PRKN: variants seen among roughly 807,000 people sequenced by gnomAD.
PRKN encodes the protein parkin RBR E3 ubiquitin protein ligase, also known as E3 ubiquitin-protein ligase parkin.
Under a neutral mutation model 59.5 loss-of-function variants are expected in PRKN, and 56 were observed. That is an observed-to-expected ratio of 0.94 (90% CI 0.76 to 1.18). PRKN has a LOEUF of 1.18. PRKN is among the 50% of genes most tolerant of loss of function. The probability of loss-of-function intolerance (pLI) is 0.00; values close to 1 mark genes in which losing one functional copy is unlikely to be tolerated. For missense variants in PRKN, 657 were observed against 596.4 expected (o/e 1.10, Z -1.06); for synonymous variants, 250 against 222.1 (o/e 1.13, Z -1.12).
At chr6:162,643,931 C>T (rs2128225110) in intron 1 of PRKN, 1 of 152,236 alleles carries the variant, frequency 6.6e-6, no homozygotes, top group South Asian at 2.1e-4. Flanking sequence ...ACACTGTCTG[C>T]AGCAGATTAT....
intron 1 of PRKN, among the ~76,000 whole-genome samples, chr6:162,630,205 A>G (rs543240146): frequency 6.6e-5 from 10 of 152,188 alleles, no homozygotes; most frequent in Non-Finnish European, 1.3e-4. Flanking sequence ...AAGATTACTG[A>G]GTATATAAAA....
In PRKN at chr6:161,410,235, G is replaced by A. The variant is rs1471911787; in HGVS notation, c.1084-23358C>T. Among the ~76,000 whole-genome samples, 1 of 152,142 alleles carries A rather than the reference G, an allele frequency of 6.6e-6. No individual in the cohort carries two copies. Among genetic ancestry groups the A allele is most frequent in the Admixed American group, 6.5e-5 (1 of 15,282 alleles). The stretch of plus-strand genomic sequence containing the variant: ...AGAGTGAACATGAGTGAGAGTACGA[G>A]CATGTCTCAGCTGGTAGCCCTTGTC... On this transcript the variant is annotated intron_variant, in intron 9 of 11. Transcript: ENST00000366898. The surrounding 1 kb of genome is among the most constrained non-coding windows in gnomAD (Gnocchi z 5.3).
At chr6:162,040,760 T>G (rs369100919) in intron 5 of PRKN, among the ~76,000 whole-genome samples, 3 of 151,784 alleles carry the variant, frequency 2.0e-5, no homozygotes, top group African/African-American at 7.3e-5. Context: ...TGCAGACATA[T>G]TTTTAAAGAA....
At chr6:162,698,089 G>A (rs1456594720) in intron 1 of PRKN, among the ~76,000 whole-genome samples, 1 of 152,204 alleles carries the variant, frequency 6.6e-6, no homozygotes. Context: ...CTATGCTAAT[G>A]TACAAAGGAT....
chr6:162,470,755 TTTTA>T (rs1396644321), intron 1 of PRKN, among the ~76,000 whole-genome samples: 2 of 152,116 alleles, frequency 1.3e-5, no homozygotes, highest in African/African-American at 4.8e-5. Context: ...TATTTTTAAA[TTTTA>T]TTTATTTGTT....
intron 7 of PRKN, among the ~76,000 whole-genome samples, chr6:161,694,862 G>A (rs1785951151): frequency 6.6e-6 from 1 of 152,122 alleles, no homozygotes; most frequent in Non-Finnish European, 1.5e-5. Flanking sequence ...TGTGAAGTGG[G>A]GGCTCCCAGT....
intron 9 of PRKN, among the ~76,000 whole-genome samples, chr6:161,415,549 T>C (rs939453556): frequency 2.8e-5 from 4 of 143,840 alleles, no homozygotes; most frequent in South Asian, 2.2e-4. Flanking sequence ...CCAGGTGTTA[T>C]AACTCTTTTC....
At chr6:162,359,939 A>G (rs1019661532) in intron 2 of PRKN, among the ~76,000 whole-genome samples, 1 of 152,186 alleles carries the variant, frequency 6.6e-6, no homozygotes, top group Non-Finnish European at 1.5e-5. Flanking sequence ...ATTGGCTTAT[A>G]TTATTGTTTT....
At chr6:162,715,234 G>A (rs962820016) in intron 1 of PRKN, among the ~76,000 whole-genome samples, 4 of 152,160 alleles carry the variant, frequency 2.6e-5, no homozygotes, top group African/African-American at 9.7e-5. Flanking sequence ...GATTCCTCAA[G>A]GGACATGGAA....
rs1289073960 is a variant in PRKN, at chr6:161,349,897, CTGCTGT to C, written c.*196_*201del. 3 of 621,488 alleles carry C rather than the reference CTGCTGT, an allele frequency of 4.8e-6. No homozygotes were observed. In the African/African-American group the frequency reaches 5.5e-5, roughly 11 times the overall value. The allele number at this position is 621,488 out of a possible 1,614,324, so 38.5% of individuals were successfully genotyped here. Reference sequence around the variant, plus strand: ...CAGGAGCTTCTTCTGTAATTTTACTCTGCTGTTTTTCATGGACATAGTGAAAGGGAT... The same window carrying C: ...CAGGAGCTTCTTCTGTAATTTTACTCTTTTCATGGACATAGTGAAAGGGAT... On this transcript the variant is annotated 3_prime_UTR_variant, in exon 12 of 12. Transcript: ENST00000366898. The surrounding 1 kb of genome is among the most constrained non-coding windows in gnomAD (Gnocchi z 5.5).
chr6:162,121,200 A>G (rs1381003224), intron 4 of PRKN, among the ~76,000 whole-genome samples: 1 of 152,168 alleles, frequency 6.6e-6, no homozygotes, highest in Non-Finnish European at 1.5e-5. Context: ...CCTCAAACTA[A>G]CTATACTGAC....
chr6:161,730,707 G>A (rs1442916282), intron 7 of PRKN, among the ~76,000 whole-genome samples: 4 of 151,918 alleles, frequency 2.6e-5, no homozygotes, highest in Admixed American at 2.6e-4. Context: ...TATTCTTTCT[G>A]GTGTGTTGCA....
intron 2 of PRKN, among the ~76,000 whole-genome samples, chr6:162,363,321 G>C (rs1228675505): frequency 6.6e-6 from 1 of 151,876 alleles, no homozygotes; most frequent in Non-Finnish European, 1.5e-5. Flanking sequence ...AATTCAATTT[G>C]GTTTCTATGT....
At chr6:162,155,112 A>AAAAC (rs367683916) in intron 4 of PRKN, among the ~76,000 whole-genome samples, 23 of 150,792 alleles carry the variant, frequency 1.5e-4, no homozygotes, top group South Asian at 8.4e-4. Context: ...CTAAAAAAAA[A>AAAAC]AACAACAAAA....
chr6:162,542,949 T>C (rs1353813906), intron 1 of PRKN, among the ~76,000 whole-genome samples: 2 of 152,100 alleles, frequency 1.3e-5, no homozygotes, highest in African/African-American at 4.8e-5. Flanking sequence ...CTGAGGGTTC[T>C]TCCTCCTACT....
At position 161,581,077 on chromosome 6, in the gene PRKN, A is replaced by ACAC; in HGVS notation, c.872-11662_872-11661insGTG. Among the ~76,000 whole-genome samples the ACAC allele has an allele frequency of 1.1e-5, 1 of 91,494 alleles. No homozygotes were observed. The allele number at this position is 91,494 out of a possible 152,430, so 60.0% of individuals were successfully genotyped here. A position where few individuals can be genotyped will look rare whatever the true frequency, so the allele number is the denominator to read the frequency against. The stretch of plus-strand genomic sequence containing the variant: ...ACACACACACACACACACACACACA[A>ACAC]AATAGCCAGGCGTGGTGGCATGCCC... On this transcript the variant is annotated intron_variant, in intron 7 of 11. Transcript: ENST00000366898. This position sits in a 1 kb window ranked among gnomAD's most constrained non-coding sequence, Gnocchi z 4.5.
At chr6:162,695,571 A>G (rs1009837095) in intron 1 of PRKN, among the ~76,000 whole-genome samples, 1 of 152,114 alleles carries the variant, frequency 6.6e-6, no homozygotes, top group African/African-American at 2.4e-5. Flanking sequence ...TCCATCATTC[A>G]TTTTTAAAAA....
intron 4 of PRKN, among the ~76,000 whole-genome samples, chr6:162,074,746 T>C (rs1331056252): frequency 2.6e-5 from 4 of 152,314 alleles, no homozygotes; most frequent in African/African-American, 9.6e-5. Flanking sequence ...CATCATTACT[T>C]ACCGAGTCCC....
At position 161,470,633 on chromosome 6, in the gene PRKN, T is replaced by C. The variant is rs561194177; in HGVS notation, c.1083+78221A>G. Among the ~76,000 whole-genome samples, 1 of 152,322 alleles carries C rather than the reference T, an allele frequency of 6.6e-6. No homozygotes were observed. Among genetic ancestry groups the C allele is most frequent in the African/African-American group, 2.4e-5 (1 of 41,576 alleles). On this transcript the variant is annotated intron_variant, in intron 9 of 11. Coordinates refer to ENST00000366898, the MANE Select transcript of PRKN (RefSeq NM_004562.3). This position sits in a 1 kb window ranked among gnomAD's most constrained non-coding sequence, Gnocchi z 5.1. ...AAAAAGCTGCACCCACAACAGCACATGCTTGCCCTTCAGACTATGCCCCAG... is the reference window on the plus strand; with the variant it reads ...AAAAAGCTGCACCCACAACAGCACACGCTTGCCCTTCAGACTATGCCCCAG...
Sources: allele counts gnomAD v4.1 joint callset (sites outside exome capture counted in the v4.1 genomes callset), GRCh38; gene constraint gnomAD v4.1.1; non-coding constraint Gnocchi (gnomAD v3.1); transcripts MANE v1.5; gene names NCBI Gene and HGNC (gene_info 2026-07-23, HGNC 2026-07-21).